PRKCH: variants seen among roughly 807,000 people sequenced by gnomAD.
PRKCH encodes protein kinase C eta.
A neutral mutation model predicts 82.5 loss-of-function variants in PRKCH; 28 were observed. The ratio of observed to expected loss-of-function variants is 0.34; its 90% CI spans 0.25 to 0.47. The LOEUF (loss-of-function observed/expected upper bound fraction) is 0.47, where lower values mean the gene tolerates loss of function less well. Ranked by LOEUF, PRKCH falls within the 20% of genes least tolerant of loss-of-function variation. PRKCH has a pLI of 1.00. For synonymous variants in PRKCH, 322 were observed against 327.4 expected (o/e 0.98, Z 0.18); for missense variants, 705 against 881.8 (o/e 0.80, Z 2.54).
chr14:61,280,571 G>A lies in PRKCH; in HGVS notation c.-19+92903G>A, dbSNP rs545634869. On this transcript the variant is annotated intron_variant, in intron 1 of 3. Transcript: ENST00000555185. This position sits in a 1 kb window ranked among gnomAD's most constrained non-coding sequence, Gnocchi z 5.0. ...TCGGTCCACCAGGCGATGCCGGAGC[G>A]GTCGAGCGGCACCTCGACGTAGGGC... The A allele has an allele frequency of 6.2e-6, 10 of 1,604,976 alleles. No homozygotes were observed. In the East Asian group the frequency reaches 2.0e-4, roughly 33 times the overall value.
intron 2 of PRKCH, among the ~76,000 whole-genome samples, chr14:61,432,507 A>C (rs1279582618): frequency 6.6e-6 from 1 of 151,960 alleles, no homozygotes; most frequent in Non-Finnish European, 1.5e-5. Flanking sequence ...TTCTTACTTT[A>C]TTTTTTTAAT....
chr14:61,293,325 C>T (rs1594895297), intron 1 of PRKCH, among the ~76,000 whole-genome samples: 1 of 152,328 alleles, frequency 6.6e-6, no homozygotes, highest in East Asian at 1.9e-4. Context: ...AGCTTAGAAG[C>T]CTGGTGGGCT....
intron 1 of PRKCH, among the ~76,000 whole-genome samples, chr14:61,292,641 C>T (rs910271512): frequency 4.6e-5 from 7 of 151,868 alleles, no homozygotes; most frequent in African/African-American, 1.2e-4. Context: ...CATAGTGGTG[C>T]GTGCCTGTAG....
chr14:61,480,869 G>A (rs781110816), intron 9 of PRKCH, among the ~76,000 whole-genome samples: 2 of 152,050 alleles, frequency 1.3e-5, no homozygotes, highest in East Asian at 3.8e-4. Context: ...AGTCCCTCCC[G>A]TCTGCCTGAC....
chr14:61,479,969 G>A (rs1470025240), intron 9 of PRKCH, among the ~76,000 whole-genome samples: 3 of 152,178 alleles, frequency 2.0e-5, no homozygotes, highest in Non-Finnish European at 4.4e-5. Context: ...GCTGAATCAG[G>A]GACAAAAGAG....
chr14:61,487,150 CCA>C (rs1425546656), intron 10 of PRKCH, among the ~76,000 whole-genome samples: 2 of 152,058 alleles, frequency 1.3e-5, no homozygotes, highest in African/African-American at 4.8e-5. Context: ...GTGGCAGGTA[CCA>C]CAGAGACACT....
At chr14:61,542,156 G>A (rs1040170191) in intron 12 of PRKCH, among the ~76,000 whole-genome samples, 2 of 151,998 alleles carry the variant, frequency 1.3e-5, no homozygotes, top group African/African-American at 2.4e-5. Flanking sequence ...CGGGCGTGGT[G>A]GTGCACACCT....
At chr14:61,253,177 C>A (rs998270574) in intron 1 of PRKCH, among the ~76,000 whole-genome samples, 4 of 152,154 alleles carry the variant, frequency 2.6e-5, no homozygotes, top group Admixed American at 2.6e-4. Context: ...ATTTCTACAG[C>A]CCTTTAATAC....
chr14:61,372,541 G>A (rs905704865), intron 1 of PRKCH, among the ~76,000 whole-genome samples: 2 of 152,014 alleles, frequency 1.3e-5, no homozygotes, highest in Non-Finnish European at 2.9e-5. Context: ...AGTGGTTTCA[G>A]AATTGTTAAC....
chr14:61,546,430 T>G (rs184681962), intron 12 of PRKCH, among the ~76,000 whole-genome samples: 5 of 152,362 alleles, frequency 3.3e-5, no homozygotes, highest in Admixed American at 3.3e-4. Context: ...GTATATTCAT[T>G]TATTAGCTGC....
chr14:61,410,192 T>TTTTG (rs1347007324), intron 2 of PRKCH, among the ~76,000 whole-genome samples: 1 of 152,188 alleles, frequency 6.6e-6, no homozygotes, highest in Non-Finnish European at 1.5e-5. Flanking sequence ...TGTGAGCAGG[T>TTTTG]TTTGTTTCAC....
At chr14:61,461,773 C>G (rs1340417927) in intron 9 of PRKCH, among the ~76,000 whole-genome samples, 1 of 152,100 alleles carries the variant, frequency 6.6e-6, no homozygotes, top group Non-Finnish European at 1.5e-5. Flanking sequence ...GATTGGGAAC[C>G]CAATCAATAT....
intron 1 of PRKCH, among the ~76,000 whole-genome samples, chr14:61,360,513 A>T (rs543118831): frequency 6.6e-6 from 1 of 152,010 alleles, no homozygotes; most frequent in Non-Finnish European, 1.5e-5. Context: ...TCAAAAAAAA[A>T]GAAAAAAGAA....
At chr14:61,391,337 A>G (rs749457504) in intron 2 of PRKCH, 49 bp downstream of exon 2, 25 of 1,445,562 alleles carry the variant, frequency 1.7e-5, no homozygotes, top group Middle Eastern at 1.7e-4. Flanking sequence ...ATCTTGGTTT[A>G]CACTCAGTAG....
chr14:61,314,844 G>A (rs1367975374), intron 1 of PRKCH, among the ~76,000 whole-genome samples: 2 of 152,084 alleles, frequency 1.3e-5, no homozygotes, highest in African/African-American at 2.4e-5. Context: ...TTGGCTAGCT[G>A]AAGTCCTCAC....
At chr14:61,197,759 A>C (rs866639946) in intron 1 of PRKCH, among the ~76,000 whole-genome samples, 1 of 152,140 alleles carries the variant, frequency 6.6e-6, no homozygotes, top group African/African-American at 2.4e-5. Context: ...AACACAAACC[A>C]ACACTATATC....
intron 1 of PRKCH, among the ~76,000 whole-genome samples, chr14:61,378,551 C>T (rs1022887938): frequency 4.6e-5 from 7 of 152,208 alleles, no homozygotes; most frequent in African/African-American, 1.7e-4. Flanking sequence ...CAGTTGAGAC[C>T]GCATTGGGTT....
chr14:61,522,327 C>A (rs548968931), intron 10 of PRKCH, among the ~76,000 whole-genome samples: 9 of 152,194 alleles, frequency 5.9e-5, no homozygotes, highest in Admixed American at 2.6e-4. Context: ...CCTGTAAAAT[C>A]GAAAATCTAA....
At chr14:61,272,344 CTTTTTTTTTTTT>C (rs1162331604) in intron 1 of PRKCH, among the ~76,000 whole-genome samples, 945 of 23,594 alleles carry the variant, frequency 0.04, 24 homozygotes, top group African/African-American at 0.11. Context: ...TTTTTTCTTT[CTTTTTTTTTTTT>C]TTTTTTTTTT....
Sources: allele counts gnomAD v4.1 joint callset (sites outside exome capture counted in the v4.1 genomes callset), GRCh38; gene constraint gnomAD v4.1.1; non-coding constraint Gnocchi (gnomAD v3.1); transcripts MANE v1.5; gene names NCBI Gene and HGNC (gene_info 2026-07-23, HGNC 2026-07-21).